The following ZBTB40 variants were observed in gnomAD, a reference collection of about 807,000 sequenced individuals.
ZBTB40 encodes zinc finger and BTB domain-containing protein 40.
ZBTB40 carries 60 observed loss-of-function variants against 117.5 expected under a neutral mutation model. The observed-to-expected ratio is 0.51, with a 90% CI of 0.41 to 0.63. ZBTB40 has a LOEUF of 0.63. Ranked by LOEUF, ZBTB40 falls within the 30% of genes least tolerant of loss-of-function variation. ZBTB40 has a pLI of 0.00. For synonymous variants in ZBTB40, 525 were observed against 577.1 expected (o/e 0.91, Z 1.29); for missense variants, 1,287 against 1,498.5 (o/e 0.86, Z 2.33).
At chr1:22,471,124 G>C (rs150819190) in intron 1 of ZBTB40, among the ~76,000 whole-genome samples, 1 of 152,356 alleles carries the variant, frequency 6.6e-6, no homozygotes, top group East Asian at 1.9e-4. Flanking sequence ...TATCGGCAAG[G>C]TTGACAACCA....
At chr1:22,489,364 C>G (rs1451961316) in intron 1 of ZBTB40, among the ~76,000 whole-genome samples, 3 of 152,104 alleles carry the variant, frequency 2.0e-5, no homozygotes, top group Admixed American at 6.5e-5. Flanking sequence ...GAAGGAGAAC[C>G]AAGTGAAAAA....
At chr1:22,510,667 G>A (rs1353283835) in intron 9 of ZBTB40, among the ~76,000 whole-genome samples, 2 of 152,070 alleles carry the variant, frequency 1.3e-5, no homozygotes, top group African/African-American at 2.4e-5. Context: ...TCTTTAAAAC[G>A]CTGAGTTTCT....
intron 1 of ZBTB40, among the ~76,000 whole-genome samples, chr1:22,469,133 ACTTC>A (rs1641338654): frequency 6.6e-6 from 1 of 151,910 alleles, no homozygotes; most frequent in African/African-American, 2.4e-5. Context: ...CCTGGTTGTC[ACTTC>A]CTTTAAGCCA....
intron 1 of ZBTB40, among the ~76,000 whole-genome samples, chr1:22,456,204 T>G (rs1006041488): frequency 6.6e-6 from 1 of 152,200 alleles, no homozygotes; most frequent in East Asian, 1.9e-4. Context: ...GATTGTCACT[T>G]TCTGTAAGTC....
chr1:22,506,283 C>G (rs746437447), intron 6 of ZBTB40, 42 bp downstream of exon 6: 2 of 1,606,040 alleles, frequency 1.2e-6, no homozygotes, highest in East Asian at 2.2e-5. Context: ...AACCACTCTT[C>G]CAGAAAATTG....
At chr1:22,491,053 G>A (rs1351065759) in intron 2 of ZBTB40, among the ~76,000 whole-genome samples, 5 of 152,232 alleles carry the variant, frequency 3.3e-5, no homozygotes, top group Admixed American at 1.3e-4. Context: ...GTGCCACCAC[G>A]CCCAGCTAAT....
chr1:22,462,484 C>T (rs1641154338), intron 1 of ZBTB40, among the ~76,000 whole-genome samples: 1 of 152,228 alleles, frequency 6.6e-6, no homozygotes, highest in South Asian at 2.1e-4. Flanking sequence ...TATTGTTAAC[C>T]TCTCAAACGC....
chr1:22,510,743 T>C (rs1639209946), intron 9 of ZBTB40, among the ~76,000 whole-genome samples: 2 of 152,226 alleles, frequency 1.3e-5, no homozygotes. Context: ...CCACTGATCA[T>C]GCAGAATTAC....
chr1:22,442,215 T>A (rs1262360445), intron 1 of ZBTB40, among the ~76,000 whole-genome samples: 1 of 152,176 alleles, frequency 6.6e-6, no homozygotes, highest in Non-Finnish European at 1.5e-5. Context: ...AAATGTCTCA[T>A]GTGCACATGA....
In ZBTB40 at chr1:22,489,881, G is replaced by A. The variant is rs368927283; in HGVS notation, c.-68G>A. 1.7e-4 allele frequency: 248 copies of A among 1,496,020 alleles called. 2 individuals carry two copies. The South Asian group carries it at 2.0e-3, about 12-fold the overall frequency. The allele number at this position is 1,496,020 out of a possible 1,614,324, so 92.7% of individuals were successfully genotyped here. ...CTGGTATTTTGTGGGTTTCTCTAGG[G>A]CCTGTCCTCCCAAAGCCAACTCTAA... On this transcript the variant is annotated splice_region_variant and 5_prime_UTR_variant, in exon 2 of 18. Coordinates refer to ENST00000375647, the MANE Select transcript of ZBTB40 (RefSeq NM_014870.4).
At chr1:22,516,257 A>G (rs1046464421) in intron 12 of ZBTB40, among the ~76,000 whole-genome samples, 2 of 152,098 alleles carry the variant, frequency 1.3e-5, no homozygotes, top group Admixed American at 1.3e-4. Context: ...TTGGGTTTTT[A>G]TGTGAAGTAT....
At chr1:22,517,208 T>C in intron 12 of ZBTB40, 92 bp from the exon 13 acceptor site, 10 of 1,559,230 alleles carry the variant, frequency 6.4e-6, no homozygotes, top group Non-Finnish European at 8.8e-6. Context: ...CCAGATGATA[T>C]TTCCCTGATA....
chr1:22,502,651 ATGGATGGATGGATGGATGTGTGGGTGGG>A (rs1230435541), intron 5 of ZBTB40, among the ~76,000 whole-genome samples: 1 of 152,000 alleles, frequency 6.6e-6, no homozygotes, highest in African/African-American at 2.4e-5. Flanking sequence ...AGGAAAATGG[ATGGATGGATGGATGGATGTGTGGGTGGG>A]TGGATGGATG....
chr1:22,494,245 T>C (rs560795057), intron 3 of ZBTB40, among the ~76,000 whole-genome samples: 7 of 152,242 alleles, frequency 4.6e-5, no homozygotes, highest in Admixed American at 1.3e-4. Flanking sequence ...AAGCTTAATT[T>C]GTAAGGCATG....
rs1407807734 is a variant in ZBTB40, at chr1:22,490,424, C to A, written c.476C>A (p.Ser159Tyr). Reference sequence around the variant, plus strand: ...TCTGAAGGTGCTGGAGAGCCTCATTCTTCCCCAGAGCTTGCTGCCACTCCA... The same window carrying A: ...TCTGAAGGTGCTGGAGAGCCTCATTATTCCCCAGAGCTTGCTGCCACTCCA... ...LSSEGAGEPH[S>Y]SPELAATPGG... The change falls in exon 2 of 18, where the codon TCT becomes TAT. Residue 159 changes from serine (S) to tyrosine (Y), a missense_variant. Ser to Tyr is a moderately radical substitution (Grantham distance 144). This residue lies in a region of ZBTB40 where 870 missense variants were observed against 934.4 expected (regional missense o/e 0.93). Coordinates refer to ENST00000375647, the MANE Select transcript of ZBTB40 (RefSeq NM_014870.4). 1.9e-6 allele frequency: 3 copies of A among 1,609,580 alleles called. No homozygotes were observed. Among genetic ancestry groups the A allele is most frequent in the Non-Finnish European group, 2.5e-6 (3 of 1,177,034 alleles).
intron 1 of ZBTB40, among the ~76,000 whole-genome samples, chr1:22,440,668 GT>G (rs35646906): frequency 1.3e-4 from 19 of 147,230 alleles, no homozygotes; most frequent in South Asian, 1.1e-3. Context: ...CTTGTTGAGT[GT>G]TTTTTTTTTA....
chr1:22,431,021 T>C (rs1640572950), intron 1 of ZBTB40, among the ~76,000 whole-genome samples: 1 of 152,000 alleles, frequency 6.6e-6, no homozygotes, highest in South Asian at 2.1e-4. Context: ...AAGTTATATA[T>C]ATATTCACTT....
In ZBTB40 at chr1:22,526,387, G is replaced by C. The variant is rs45502998; in HGVS notation, c.3711G>C (p.Glu1237Asp). 0.033 allele frequency: 53,532 copies of C among 1,614,096 alleles called. 1,183 individuals are homozygous for C. Among genetic ancestry groups the C allele is most frequent in the South Asian group, 0.07 (6,385 of 91,070 alleles). Residue 1237 changes from glutamate to aspartate, a missense_variant, in exon 18 of 18, where the codon GAG (glutamate) becomes GAC (aspartate). Coordinates refer to ENST00000375647, the MANE Select transcript of ZBTB40 (RefSeq NM_014870.4). ...LDGTVTLICG[E>D]AK Reference sequence around the variant, plus strand: ...GCACAGTGACGCTGATCTGTGGTGAGGCCAAATGAGCAGCCTTTCATCCGG... The same window carrying C: ...GCACAGTGACGCTGATCTGTGGTGACGCCAAATGAGCAGCCTTTCATCCGG...
rs545581832 is a variant in ZBTB40 at position 22,439,299 on chromosome 1, C to T, written c.-70+10285C>T. 8.5e-5 allele frequency among the ~76,000 whole-genome samples: 13 copies of T among 152,130 alleles called. No homozygotes were observed. The South Asian group carries it at 2.5e-3, about 29-fold the overall frequency. On this transcript the variant is annotated intron_variant, in intron 1 of 8. Coordinates refer to the ZBTB40 transcript ENST00000650433. ...GTTTTCTTTCATTCCATGGGTTTCC[C>T]TATTACTATGTTTATTTTTTTCATG...
Sources: gnomAD v4.1 joint callset for allele counts (sites outside exome capture counted in the v4.1 genomes callset) on GRCh38, gnomAD v4.1.1 for gene constraint, gnomAD v4.1.1 regional missense constraint, MANE v1.5 for transcripts, NCBI Gene and HGNC (gene_info 2026-07-23, HGNC 2026-07-21) for gene names.